Variants in KALRN observed in about 807,000 individuals in gnomAD.
The protein encoded by KALRN is kalirin RhoGEF kinase.
KALRN carries 70 observed loss-of-function variants against 353.7 expected under a neutral mutation model. That is an observed-to-expected ratio of 0.20 (90% CI 0.16 to 0.24). The LOEUF (loss-of-function observed/expected upper bound fraction) is 0.24, where lower values mean the gene tolerates loss of function less well. KALRN is among the 10% of genes least tolerant of loss of function. The pLI is 1.00. For missense variants in KALRN, 2,791 were observed against 3,756.7 expected, an observed-to-expected ratio of 0.74 and a Z score of 6.72; for synonymous variants, 1,391 against 1,434.8, an observed-to-expected ratio of 0.97 and a Z score of 0.69.
intron 33 of KALRN, among the ~76,000 whole-genome samples, chr3:124,530,806 T>C (rs1309229601): frequency 6.6e-6 from 1 of 152,134 alleles, no homozygotes; most frequent in East Asian, 1.9e-4. Context: ...TTCTTAACTT[T>C]ATTTTTCCTG....
At chr3:124,343,698 T>C (rs2081998003) in intron 9 of KALRN, among the ~76,000 whole-genome samples, 1 of 152,248 alleles carries the variant, frequency 6.6e-6, no homozygotes, top group Non-Finnish European at 1.5e-5. Flanking sequence ...TAAACCTCAC[T>C]TCTCCTGAGA....
intron 1 of KALRN, among the ~76,000 whole-genome samples, chr3:124,068,190 C>T (rs2149252439): frequency 6.6e-6 from 1 of 152,252 alleles, no homozygotes; most frequent in Non-Finnish European, 1.5e-5. Context: ...ATCTAGATCC[C>T]AATTCTAGAA....
At chr3:124,040,828 T>G (rs1034728968) in intron 1 of KALRN, among the ~76,000 whole-genome samples, 1 of 152,152 alleles carries the variant, frequency 6.6e-6, no homozygotes, top group Non-Finnish European at 1.5e-5. Flanking sequence ...TTTTAATTAT[T>G]AATTGAATGT....
intron 3 of KALRN, among the ~76,000 whole-genome samples, chr3:124,251,370 T>TG (rs1553874706): frequency 2.4e-5 from 3 of 125,780 alleles, no homozygotes; most frequent in African/African-American, 7.7e-5. Context: ...TTTTTTTTTT[T>TG]CTTTTTTTCT....
At chr3:124,140,859 C>T (rs2149786309) in intron 1 of KALRN, among the ~76,000 whole-genome samples, 1 of 152,314 alleles carries the variant, frequency 6.6e-6, no homozygotes, top group East Asian at 1.9e-4. Flanking sequence ...TTCACCTCCC[C>T]TTCCCCAGCC....
At chr3:124,142,523 G>T (rs1372553536) in intron 1 of KALRN, among the ~76,000 whole-genome samples, 1 of 152,162 alleles carries the variant, frequency 6.6e-6, no homozygotes, top group East Asian at 1.9e-4. Context: ...TTCATTGCAG[G>T]CCTGGTTACA....
Position 124,327,164 on chromosome 3 carries a change from G to A in KALRN, c.1284+993G>A, listed in dbSNP as rs182350196. ...TGCCTAGAGTCTTAAGAAAATGAGG[G>A]AGAAAGTGTTTGAAAATGCAGACTA... On this transcript the variant is annotated intron_variant, in intron 7 of 59. Transcript: ENST00000682506. Among the ~76,000 whole-genome samples, 363 of 152,240 alleles carry A rather than the reference G, an allele frequency of 2.4e-3. 3 individuals are homozygous for A. The highest frequency in any genetic ancestry group is 8.3e-3 in the African/African-American group (344 of 41,528).
chr3:124,698,484 A>G lies in KALRN; in HGVS notation c.7831+760A>G, dbSNP rs570680128. ...TGATCCAAACCTCCCTGACATATTT[A>G]TGACCCAGGGCAGGTTTCAAGGTGT... On this transcript the variant is annotated intron_variant, in intron 55 of 59. Transcript: ENST00000682506. Among the ~76,000 whole-genome samples, 3 of 152,270 alleles carry G rather than the reference A, an allele frequency of 2.0e-5. No homozygotes were observed. In the South Asian group the frequency reaches 6.2e-4, roughly 32 times the overall value.
intron 1 of KALRN, among the ~76,000 whole-genome samples, chr3:124,098,209 A>C (rs994721013): frequency 6.6e-6 from 1 of 152,146 alleles, no homozygotes; most frequent in African/African-American, 2.4e-5. Flanking sequence ...GTAGTACATG[A>C]GATGATTTTA....
chr3:124,153,381 C>T (rs377270947), intron 1 of KALRN, among the ~76,000 whole-genome samples: 7 of 150,258 alleles, frequency 4.7e-5, no homozygotes, highest in Non-Finnish European at 5.9e-5. Context: ...CGTTTTTTGT[C>T]CTTGCGATAG....
intron 33 of KALRN, among the ~76,000 whole-genome samples, chr3:124,505,856 A>G (rs1003450739): frequency 6.6e-6 from 1 of 152,168 alleles, no homozygotes; most frequent in African/African-American, 2.4e-5. Flanking sequence ...TGACCAGACA[A>G]GTGGGAAAAT....
At chr3:124,161,298 G>A (rs750208798) in intron 1 of KALRN, among the ~76,000 whole-genome samples, 43 of 152,154 alleles carry the variant, frequency 2.8e-4, no homozygotes, top group Non-Finnish European at 2.8e-4. Flanking sequence ...CAATCATTGC[G>A]AGGAATTAGG....
chr3:124,133,418 A>T (rs1009358360), intron 1 of KALRN, among the ~76,000 whole-genome samples: 2 of 152,254 alleles, frequency 1.3e-5, no homozygotes, highest in Admixed American at 6.5e-5. Context: ...ACGACAGTCG[A>T]GGCTGTTTTC....
chr3:124,121,371 A>G (rs2064013407), intron 1 of KALRN, among the ~76,000 whole-genome samples: 1 of 152,224 alleles, frequency 6.6e-6, no homozygotes, highest in East Asian at 1.9e-4. Flanking sequence ...TCTAGGCTGG[A>G]GTAATCAGAG....
intron 1 of KALRN, among the ~76,000 whole-genome samples, chr3:124,036,697 C>T (rs561648671): frequency 1.3e-5 from 2 of 152,250 alleles, no homozygotes; most frequent in Admixed American, 6.5e-5. Flanking sequence ...TTTCAAAGTC[C>T]CTAGCACCAG....
chr3:124,447,184 G>T (rs1167911680), intron 21 of KALRN, among the ~76,000 whole-genome samples: 1 of 152,096 alleles, frequency 6.6e-6, no homozygotes, highest in East Asian at 1.9e-4. Flanking sequence ...ACCAAATCAG[G>T]GAAAAGGGTG....
intron 14 of KALRN, among the ~76,000 whole-genome samples, chr3:124,419,598 T>C (rs1339133884): frequency 6.6e-6 from 1 of 152,126 alleles, no homozygotes; most frequent in Non-Finnish European, 1.5e-5. Flanking sequence ...AGCATTGTGC[T>C]AGGGCCTGAA....
intron 3 of KALRN, among the ~76,000 whole-genome samples, chr3:124,241,490 A>G (rs570802132): frequency 6.6e-6 from 1 of 152,296 alleles, no homozygotes; most frequent in South Asian, 2.1e-4. Context: ...AATAAGGAAA[A>G]TTAATAATGA....
At chr3:124,201,546 G>C (rs1254714401) in intron 1 of KALRN, among the ~76,000 whole-genome samples, 2 of 151,352 alleles carry the variant, frequency 1.3e-5, no homozygotes, top group Non-Finnish European at 3.0e-5. Flanking sequence ...AGAATCCTTT[G>C]GAAAAAAAAA....
Sources: allele counts gnomAD v4.1 joint callset (sites outside exome capture counted in the v4.1 genomes callset), GRCh38; gene constraint gnomAD v4.1.1; transcripts MANE v1.5; gene names NCBI Gene and HGNC (gene_info 2026-07-23, HGNC 2026-07-21).